Variants in KCNMB2 observed in about 807,000 individuals in gnomAD.
KCNMB2 encodes the protein calcium-activated potassium channel subunit beta-2.
Under a neutral mutation model 24.5 loss-of-function variants are expected in KCNMB2, and 9 were observed. The observed-to-expected ratio is 0.37, with a 90% CI of 0.22 to 0.64. KCNMB2 has a LOEUF of 0.64. KCNMB2 is among the 30% of genes least tolerant of loss of function. KCNMB2 has a pLI of 0.63. For missense variants in KCNMB2, 226 were observed against 284.3 expected, an observed-to-expected ratio of 0.79 and a Z score of 1.47; for synonymous variants, 109 against 104.4, an observed-to-expected ratio of 1.04 and a Z score of -0.27.
chr3:178,795,768 A>C (rs1157904986), intron 1 of KCNMB2, among the ~76,000 whole-genome samples: 1 of 152,070 alleles, frequency 6.6e-6, no homozygotes, highest in East Asian at 1.9e-4. Flanking sequence ...GCAATAGAAA[A>C]CTCATACACA....
intron 1 of KCNMB2, among the ~76,000 whole-genome samples, chr3:178,663,472 A>C (rs1720609355): frequency 6.6e-6 from 1 of 152,006 alleles, no homozygotes; most frequent in Admixed American, 6.6e-5. Context: ...TTCTCTTTTA[A>C]CTCTTAAACT....
At chr3:178,701,189 C>T (rs1390276676) in intron 1 of KCNMB2, among the ~76,000 whole-genome samples, 1 of 152,154 alleles carries the variant, frequency 6.6e-6, no homozygotes, top group African/African-American at 2.4e-5. Flanking sequence ...AGCCACTTTC[C>T]CCAGCACCAT....
At chr3:178,694,850 C>A (rs1309881361) in intron 1 of KCNMB2, among the ~76,000 whole-genome samples, 1 of 152,148 alleles carries the variant, frequency 6.6e-6, no homozygotes, top group Non-Finnish European at 1.5e-5. Context: ...GTGTACGGTG[C>A]AAGCTGTCAG....
At chr3:178,574,016 T>G (rs1212979161) in intron 1 of KCNMB2, among the ~76,000 whole-genome samples, 1 of 152,114 alleles carries the variant, frequency 6.6e-6, no homozygotes, top group Non-Finnish European at 1.5e-5. Context: ...TAATATACAT[T>G]AAAGCACTCT....
intron 1 of KCNMB2, among the ~76,000 whole-genome samples, chr3:178,600,599 G>C (rs906682897): frequency 6.6e-6 from 1 of 152,168 alleles, no homozygotes; most frequent in African/African-American, 2.4e-5. Context: ...ATAAAGGGTA[G>C]GGAGGGATCT....
Position 178,615,431 on chromosome 3 carries a change from T to C in KCNMB2, c.-68+78720T>C, listed in dbSNP as rs149261296. On this transcript the variant is annotated intron_variant, in intron 1 of 4. Coordinates refer to ENST00000452583, the MANE Select transcript of KCNMB2 (RefSeq NM_181361.3). ...GAGTCAGGGACCAGAGTCAAAAATA[T>C]TAGAAGTCTACCTGCTGTACTATTG... is the stretch of plus-strand genomic sequence containing the variant. 4.6e-5 allele frequency among the ~76,000 whole-genome samples: 7 copies of C among 152,254 alleles called. No individual in the cohort carries two copies. The East Asian group carries it at 1.2e-3, about 25-fold the overall frequency.
At chr3:178,810,355 TA>T (rs1035707580) in intron 2 of KCNMB2, among the ~76,000 whole-genome samples, 1 of 152,188 alleles carries the variant, frequency 6.6e-6, no homozygotes, top group Non-Finnish European at 1.5e-5. Flanking sequence ...AGCCAGGCCA[TA>T]CAAAATCCTC....
chr3:178,722,783 C>T (rs1250939765), intron 1 of KCNMB2, among the ~76,000 whole-genome samples: 1 of 152,164 alleles, frequency 6.6e-6, no homozygotes, highest in Non-Finnish European at 1.5e-5. Flanking sequence ...GTCCCAGTTA[C>T]TCAGCAGGCT....
intron 1 of KCNMB2, among the ~76,000 whole-genome samples, chr3:178,673,107 T>C (rs1396242683): frequency 6.6e-6 from 1 of 152,108 alleles, no homozygotes; most frequent in Non-Finnish European, 1.5e-5. Flanking sequence ...ATTATTTGTA[T>C]CCCTCCCTTG....
chr3:178,569,800 T>A (rs1050143413), intron 1 of KCNMB2, among the ~76,000 whole-genome samples: 1 of 152,216 alleles, frequency 6.6e-6, no homozygotes, highest in South Asian at 2.1e-4. Flanking sequence ...TGTCTCAAAA[T>A]TCAGTGATTT....
chr3:178,833,496 C>T (rs1256130696), intron 4 of KCNMB2, among the ~76,000 whole-genome samples: 1 of 152,178 alleles, frequency 6.6e-6, no homozygotes, highest in East Asian at 1.9e-4. Context: ...ATTAAACCAT[C>T]TTCATGCAAA....
intron 2 of KCNMB2, among the ~76,000 whole-genome samples, chr3:178,810,711 G>T (rs1212933674): frequency 1.3e-5 from 2 of 151,890 alleles, no homozygotes; most frequent in African/African-American, 4.8e-5. Context: ...TTCTTTGTTA[G>T]TTGAACTTAC....
intron 1 of KCNMB2, among the ~76,000 whole-genome samples, chr3:178,603,031 G>A (rs1373804389): frequency 6.6e-6 from 1 of 152,164 alleles, no homozygotes; most frequent in Non-Finnish European, 1.5e-5. Context: ...CGTGGGAGAG[G>A]TGATGGACTG....
chr3:178,682,416 T>C (rs372679180), intron 1 of KCNMB2, among the ~76,000 whole-genome samples: 3 of 152,022 alleles, frequency 2.0e-5, no homozygotes, highest in Non-Finnish European at 4.4e-5. Flanking sequence ...TCCTCAAGTA[T>C]AATGTTGATT....
intron 2 of KCNMB2, among the ~76,000 whole-genome samples, chr3:178,809,483 T>G (rs1714101281): frequency 6.6e-6 from 1 of 152,312 alleles, no homozygotes; most frequent in African/African-American, 2.4e-5. Flanking sequence ...TTTAAATAAC[T>G]GAGTGATTTT....
At chr3:178,722,621 C>T (rs758076897) in intron 1 of KCNMB2, among the ~76,000 whole-genome samples, 5 of 152,224 alleles carry the variant, frequency 3.3e-5, no homozygotes, top group Non-Finnish European at 5.9e-5. Flanking sequence ...TGGCGGGGCA[C>T]GGTGACATAT....
chr3:178,803,080 TTTAC>T (rs1197523288), intron 1 of KCNMB2, among the ~76,000 whole-genome samples: 2 of 152,170 alleles, frequency 1.3e-5, no homozygotes, highest in African/African-American at 4.8e-5. Context: ...CATGTATTGT[TTTAC>T]TTAGTCTCCC....
At chr3:178,700,800 A>G (rs1211787021) in intron 1 of KCNMB2, among the ~76,000 whole-genome samples, 1 of 145,750 alleles carries the variant, frequency 6.9e-6, no homozygotes, top group Non-Finnish European at 1.5e-5. Context: ...GAAATTGTTG[A>G]TGCTTTAAAC....
At chr3:178,612,182 C>T (rs1056104654) in intron 1 of KCNMB2, among the ~76,000 whole-genome samples, 5 of 152,140 alleles carry the variant, frequency 3.3e-5, no homozygotes, top group African/African-American at 4.8e-5. Context: ...ATAGTCTATC[C>T]TTCAGAATGA....
Sources: gnomAD v4.1 joint callset for allele counts (sites outside exome capture counted in the v4.1 genomes callset) on GRCh38, gnomAD v4.1.1 for gene constraint, MANE v1.5 for transcripts, NCBI Gene and HGNC (gene_info 2026-07-23, HGNC 2026-07-21) for gene names.